The following CHMP2B variants were observed in gnomAD, a reference collection of about 807,000 sequenced individuals.
CHMP2B encodes VPS2 homolog B.
In CHMP2B, 22 loss-of-function variants were observed where a neutral mutation model predicts 29.8. The observed-to-expected ratio is 0.74, with a 90% CI of 0.53 to 1.05. The LOEUF is 1.05. Ranked by LOEUF, CHMP2B falls within the 50% of genes least tolerant of loss-of-function variation. The probability of loss-of-function intolerance (pLI) is 0.00; values close to 1 mark genes in which losing one functional copy is unlikely to be tolerated. For synonymous variants in CHMP2B, 78 were observed against 75.8 expected (o/e 1.03, Z -0.15); for missense variants, 261 against 252.2 (o/e 1.03, Z -0.24).
chr3:87,240,432 T>G (rs1706094996), intron 1 of CHMP2B: 2 of 339,368 alleles, frequency 5.9e-6, no homozygotes, highest in African/African-American at 4.3e-5. Flanking sequence ...TACCTCAGCC[T>G]ACCGAGTAGC....
intron 1 of CHMP2B, among the ~76,000 whole-genome samples, chr3:87,238,398 T>G (rs994461482): frequency 1.3e-5 from 2 of 152,134 alleles, no homozygotes; most frequent in African/African-American, 4.8e-5. Context: ...ACCACCTGTA[T>G]CTAGTTCTAA....
intron 3 of CHMP2B, among the ~76,000 whole-genome samples, chr3:87,246,909 T>G (rs1418074215): frequency 6.6e-6 from 1 of 152,200 alleles, no homozygotes; most frequent in African/African-American, 2.4e-5. Flanking sequence ...CTAAGCTTTA[T>G]GAACTGCACA....
At chr3:87,230,713 G>A (rs1705893147) in intron 1 of CHMP2B, among the ~76,000 whole-genome samples, 1 of 152,174 alleles carries the variant, frequency 6.6e-6, no homozygotes, top group Admixed American at 6.5e-5. Flanking sequence ...TGAAGGAGTA[G>A]TGATGTCTTA....
chr3:87,245,799 A>G lies in CHMP2B; in HGVS notation c.212A>G (p.Gln71Arg), dbSNP rs1706200676. 1.2e-6 allele frequency: 2 copies of G among 1,613,812 alleles called. No individual in the cohort carries two copies. The highest frequency in any genetic ancestry group is 1.3e-5 in the African/African-American group (1 of 74,920). ...AAACAACTTGTGCATCTACGGAAAC[A>G]GAAGACGAGAACTTTTGCTGTAAGT... ...LAKQLVHLRK[Q>R]KTRTFAVSSK... The change falls in exon 3 of 6, where the codon CAG (glutamine) becomes CGG (arginine). Residue 71 changes from glutamine to arginine, a missense_variant. Coordinates refer to ENST00000263780, the MANE Select transcript of CHMP2B (RefSeq NM_014043.4).
chr3:87,241,829 A>C (rs1391085935), intron 2 of CHMP2B, among the ~76,000 whole-genome samples: 2 of 152,114 alleles, frequency 1.3e-5, no homozygotes, highest in African/African-American at 4.8e-5. Flanking sequence ...TGAGAGTGAG[A>C]TTGCTGGGTC....
chr3:87,239,700 ATACTT>A (rs1466754221), intron 1 of CHMP2B, among the ~76,000 whole-genome samples: 1 of 152,340 alleles, frequency 6.6e-6, no homozygotes, highest in Non-Finnish European at 1.5e-5. Context: ...TAATTAAAAA[ATACTT>A]TAATTCTTCA....
chr3:87,235,786 A>G (rs961102095), intron 1 of CHMP2B, among the ~76,000 whole-genome samples: 6 of 152,192 alleles, frequency 3.9e-5, no homozygotes, highest in Non-Finnish European at 8.8e-5. Flanking sequence ...GGCAGACCCT[A>G]TAGGTGAAAG....
At chr3:87,234,575 A>G (rs1207857900) in intron 1 of CHMP2B, among the ~76,000 whole-genome samples, 1 of 152,176 alleles carries the variant, frequency 6.6e-6, no homozygotes, top group African/African-American at 2.4e-5. Flanking sequence ...GACCCTTTTT[A>G]TCTCACTGAA....
chr3:87,247,934 G>A (rs992952580), intron 3 of CHMP2B, among the ~76,000 whole-genome samples: 15 of 151,204 alleles, frequency 9.9e-5, no homozygotes, highest in African/African-American at 3.7e-4. Flanking sequence ...TGCAAATAAA[G>A]AGTAGAATGC....
chr3:87,232,001 T>A (rs1338532910), intron 1 of CHMP2B, among the ~76,000 whole-genome samples: 3 of 152,186 alleles, frequency 2.0e-5, no homozygotes, highest in African/African-American at 7.2e-5. Context: ...AATGAAAATA[T>A]ATCTGCAAGA....
intron 3 of CHMP2B, among the ~76,000 whole-genome samples, chr3:87,247,216 A>G (rs923203123): frequency 6.6e-6 from 1 of 152,190 alleles, no homozygotes; most frequent in African/African-American, 2.4e-5. Context: ...ACGTTTTTTC[A>G]TTACCTAATC....
intron 1 of CHMP2B, among the ~76,000 whole-genome samples, chr3:87,239,912 G>GATTC (rs769751025): frequency 5.9e-5 from 9 of 152,258 alleles, no homozygotes; most frequent in Non-Finnish European, 4.4e-5. Context: ...GCTGAGGTGA[G>GATTC]ATTCAAATCC....
At chr3:87,235,979 A>G (rs1706001197) in intron 1 of CHMP2B, among the ~76,000 whole-genome samples, 1 of 152,238 alleles carries the variant, frequency 6.6e-6, no homozygotes, top group African/African-American at 2.4e-5. Flanking sequence ...ATTTTAAAGT[A>G]TACAATTAGT....
Position 87,227,316 on chromosome 3 carries a change from C to G in CHMP2B, c.-207C>G, listed in dbSNP as rs1050330114. The G allele has an allele frequency of 1.6e-5, 10 of 615,890 alleles. No homozygotes were observed. The highest frequency in any genetic ancestry group is 7.6e-5 in the South Asian group (4 of 52,676). 38.2% of individuals were successfully genotyped at this position (615,890 alleles called of 1,614,324 possible). ...GACTTCTCCAAAAAGTGTGTTAGTT[C>G]CCGGTCACCTGAGCTCCGGGTGACG... On this transcript the variant is annotated 5_prime_UTR_variant, in exon 1 of 6. Transcript: ENST00000263780.
At chr3:87,253,594 G>A (rs1030502607) in intron 5 of CHMP2B, 84 bp downstream of exon 5, 8 of 1,323,238 alleles carry the variant, frequency 6.0e-6, no homozygotes, top group African/African-American at 1.5e-5. Flanking sequence ...ACTAGGAGGT[G>A]CATGGTTTTT....
chr3:87,238,332 C>G (rs1299862980), intron 1 of CHMP2B, among the ~76,000 whole-genome samples: 2 of 152,112 alleles, frequency 1.3e-5, no homozygotes, highest in Non-Finnish European at 2.9e-5. Context: ...AAAACATTTT[C>G]ATCACCTCAA....
At chr3:87,249,810 A>C (rs1239552609) in intron 3 of CHMP2B, 65 bp from the exon 4 acceptor site, 1 of 961,894 alleles carries the variant, frequency 1.0e-6, no homozygotes, top group Non-Finnish European at 1.7e-6. Flanking sequence ...TTCCCTTTTG[A>C]CTTATTTCAT....
chr3:87,236,824 T>G (rs1559606348), intron 1 of CHMP2B, among the ~76,000 whole-genome samples: 1 of 151,232 alleles, frequency 6.6e-6, no homozygotes, highest in Non-Finnish European at 1.5e-5. Context: ...TACTCCAGTC[T>G]GGGTGACAAG....
chr3:87,245,298 G>T (rs370972313), intron 2 of CHMP2B, among the ~76,000 whole-genome samples: 1 of 151,934 alleles, frequency 6.6e-6, no homozygotes, highest in South Asian at 2.1e-4. Context: ...GGTATAAAAT[G>T]GACTATTTTA....
Sources: allele counts gnomAD v4.1 joint callset (sites outside exome capture counted in the v4.1 genomes callset), GRCh38; gene constraint gnomAD v4.1.1; transcripts MANE v1.5; gene names NCBI Gene and HGNC (gene_info 2026-07-23, HGNC 2026-07-21).